The following PTPRQ variants were observed in gnomAD, a reference collection of about 807,000 sequenced individuals.
The protein encoded by PTPRQ is phosphatidylinositol phosphatase PTPRQ.
Under a neutral mutation model 246.0 loss-of-function variants are expected in PTPRQ, and 199 were observed. That is an observed-to-expected ratio of 0.81 (90% CI 0.72 to 0.91). The LOEUF (loss-of-function observed/expected upper bound fraction) is 0.91, where lower values mean the gene tolerates loss of function less well. Among genes scored for constraint, PTPRQ ranks in the 40% least tolerant of loss-of-function variants. The pLI is 0.00. For synonymous variants in PTPRQ, 869 were observed against 853.2 expected (o/e 1.02, Z -0.32); for missense variants, 2,624 against 2,528.4 (o/e 1.04, Z -0.81).
At chr12:80,514,020 C>A (rs1280132075) in intron 17 of PTPRQ, among the ~76,000 whole-genome samples, 1 of 152,118 alleles carries the variant, frequency 6.6e-6, no homozygotes, top group Non-Finnish European at 1.5e-5. Flanking sequence ...TTATCTCCAT[C>A]CTGAGAAAAA....
intron 26 of PTPRQ, among the ~76,000 whole-genome samples, chr12:80,592,866 C>T (rs369542970): frequency 3.9e-5 from 6 of 152,042 alleles, no homozygotes; most frequent in African/African-American, 1.4e-4. Context: ...AAAAAATTAT[C>T]CGAACATGGT....
chr12:80,514,633 T>C (rs1044150043), intron 17 of PTPRQ, among the ~76,000 whole-genome samples: 2 of 143,530 alleles, frequency 1.4e-5, no homozygotes, highest in Non-Finnish European at 3.0e-5. Context: ...AATTTTTAAA[T>C]ATATTTGTAT....
At chr12:80,633,360 T>C (rs544759236) in intron 34 of PTPRQ, among the ~76,000 whole-genome samples, 1 of 152,340 alleles carries the variant, frequency 6.6e-6, no homozygotes, top group African/African-American at 2.4e-5. Context: ...CATGCTTACT[T>C]TCTGAACATG....
At chr12:80,619,312 A>G (rs886616794) in intron 30 of PTPRQ, 72 bp from the exon 31 acceptor site, 2 of 1,478,610 alleles carry the variant, frequency 1.4e-6, no homozygotes. Flanking sequence ...ACTGCATGAA[A>G]GGAGAAAGAT....
At chr12:80,569,467 C>G (rs1897079718) in intron 25 of PTPRQ, among the ~76,000 whole-genome samples, 1 of 150,786 alleles carries the variant, frequency 6.6e-6, no homozygotes, top group Admixed American at 6.6e-5. Flanking sequence ...TGCAGCACAC[C>G]AGCATGGCAC....
At chr12:80,668,448 T>G (rs1396637173) in intron 39 of PTPRQ, among the ~76,000 whole-genome samples, 2 of 151,858 alleles carry the variant, frequency 1.3e-5, no homozygotes, top group Non-Finnish European at 2.9e-5. Context: ...ATGCCACAGT[T>G]TAAGTAGATA....
chr12:80,582,506 C>T (rs1897475851), intron 25 of PTPRQ, among the ~76,000 whole-genome samples: 1 of 152,054 alleles, frequency 6.6e-6, no homozygotes, highest in Non-Finnish European at 1.5e-5. Flanking sequence ...GGATTAATGC[C>T]CTTATAAAAA....
chr12:80,678,316 T>C (rs572210211), intron 43 of PTPRQ, among the ~76,000 whole-genome samples: 1 of 152,286 alleles, frequency 6.6e-6, no homozygotes, highest in Admixed American at 6.5e-5. Flanking sequence ...ATTTATGTAA[T>C]ATAATTTTCT....
At chr12:80,496,150 T>A (rs1243551905) in intron 13 of PTPRQ, 44 bp downstream of exon 13, 13 of 1,544,282 alleles carry the variant, frequency 8.4e-6, no homozygotes, top group Non-Finnish European at 1.0e-5. Context: ...AAAAAGTGGT[T>A]GTAAATGCTC....
intron 39 of PTPRQ, among the ~76,000 whole-genome samples, chr12:80,667,496 A>G (rs7973140): frequency 0.47 from 70,734 of 151,746 alleles, 17,775 homozygotes; most frequent in African/African-American, 0.67. Context: ...TATAAATTCT[A>G]TGTAATTTGC....
chr12:80,503,914 G>A (rs1295013782), intron 14 of PTPRQ, among the ~76,000 whole-genome samples: 1 of 150,950 alleles, frequency 6.6e-6, no homozygotes, highest in Non-Finnish European at 1.5e-5. Context: ...GATGTTGATT[G>A]TCAGTCTAAT....
At chr12:80,642,919 TA>T (rs902888826) in intron 35 of PTPRQ, among the ~76,000 whole-genome samples, 57 of 77,242 alleles carry the variant, frequency 7.4e-4, no homozygotes, top group Non-Finnish European at 1.0e-3. Flanking sequence ...GACTCCGTCT[TA>T]AAAAAAAAAA....
intron 39 of PTPRQ, among the ~76,000 whole-genome samples, chr12:80,661,514 C>A (rs1361546194): frequency 6.6e-6 from 1 of 151,106 alleles, no homozygotes; most frequent in Non-Finnish European, 1.5e-5. Flanking sequence ...TAAACATATA[C>A]ATATATGTGT....
intron 25 of PTPRQ, among the ~76,000 whole-genome samples, chr12:80,567,662 C>T (rs1285261056): frequency 6.6e-6 from 1 of 152,174 alleles, no homozygotes; most frequent in East Asian, 1.9e-4. Flanking sequence ...CATTTTCCAT[C>T]ACATGAATAT....
At chr12:80,631,698 T>C (rs1592738097) in intron 33 of PTPRQ, among the ~76,000 whole-genome samples, 1 of 152,182 alleles carries the variant, frequency 6.6e-6, no homozygotes. Flanking sequence ...ATGTTTTGGA[T>C]GTATTCTATG....
chr12:80,619,422 G>T lies in PTPRQ; in HGVS notation c.5269G>T (p.Asp1757Tyr). 1 of 1,547,858 alleles carries T rather than the reference G, an allele frequency of 6.5e-7. No individual in the cohort carries two copies. Among genetic ancestry groups the T allele is most frequent in the Non-Finnish European group, 8.7e-7 (1 of 1,144,628 alleles). Reference protein sequence around the residue: ...RPKTKPTPIYDATGKLLVTST... With the variant: ...RPKTKPTPIYYATGKLLVTST... Reference sequence around the variant, plus strand: ...AAAAACCAAACCAACCCCTATTTATGATGCCACAGGAAAACTGCTTGTGAC... The same window carrying T: ...AAAAACCAAACCAACCCCTATTTATTATGCCACAGGAAAACTGCTTGTGAC... The change falls in exon 31 of 45, where the codon GAT becomes TAT. Residue 1757 changes from aspartate (D) to tyrosine (Y), a missense_variant. Physicochemically the swap from Asp to Tyr is radical, Grantham distance 160. Transcript: ENST00000644991.
intron 17 of PTPRQ, among the ~76,000 whole-genome samples, chr12:80,529,327 A>G (rs1332009377): frequency 6.6e-6 from 1 of 152,200 alleles, no homozygotes; most frequent in Admixed American, 6.5e-5. Flanking sequence ...CATTTAGATA[A>G]TAACTGATTA....
chr12:80,580,461 C>A (rs1016981554), intron 25 of PTPRQ, among the ~76,000 whole-genome samples: 47 of 152,248 alleles, frequency 3.1e-4, no homozygotes, highest in African/African-American at 1.1e-3. Context: ...GAATGGAAAT[C>A]TGATTCTCCA....
intron 27 of PTPRQ, among the ~76,000 whole-genome samples, chr12:80,608,465 G>T (rs1046952210): frequency 1.3e-4 from 19 of 149,136 alleles, no homozygotes; most frequent in African/African-American, 3.9e-4. Flanking sequence ...TACTTTTAAA[G>T]ATATAATATA....
Sources: gnomAD v4.1 joint callset for allele counts (sites outside exome capture counted in the v4.1 genomes callset) on GRCh38, gnomAD v4.1.1 for gene constraint, MANE v1.5 for transcripts, NCBI Gene and HGNC (gene_info 2026-07-23, HGNC 2026-07-21) for gene names.